The following C8orf34 variants were observed in gnomAD, a reference collection of about 807,000 sequenced individuals.
C8orf34 encodes the protein chromosome 8 open reading frame 34, also known as uncharacterized protein C8orf34.
Under a neutral mutation model 68.3 loss-of-function variants are expected in C8orf34, and 65 were observed. That is an observed-to-expected ratio of 0.95 (90% CI 0.78 to 1.17). C8orf34 has a LOEUF of 1.17. C8orf34 is among the 50% of genes most tolerant of loss of function. The probability of loss-of-function intolerance (pLI) is 0.00; values close to 1 mark genes in which losing one functional copy is unlikely to be tolerated. For missense variants in C8orf34, 664 were observed against 655.4 expected (o/e 1.01, Z -0.14); for synonymous variants, 244 against 241.2 (o/e 1.01, Z -0.11).
chr8:68,477,026 C>T (rs1406810315), intron 4 of C8orf34, among the ~76,000 whole-genome samples: 1 of 152,100 alleles, frequency 6.6e-6, no homozygotes, highest in East Asian at 1.9e-4. Context: ...TTTCTTGTAG[C>T]CATAGGAATT....
intron 9 of C8orf34, 137 bp from the exon 10 acceptor site, chr8:68,721,224 T>C (rs1348527934): frequency 1.9e-5 from 11 of 570,866 alleles, no homozygotes; most frequent in Non-Finnish European, 3.1e-5. Context: ...TTTCACGTTC[T>C]ATTTTAACTC....
chr8:68,521,568 C>T (rs548097958), intron 5 of C8orf34, among the ~76,000 whole-genome samples: 1 of 152,216 alleles, frequency 6.6e-6, no homozygotes, highest in Non-Finnish European at 1.5e-5. Context: ...TGCAGCCTTC[C>T]AAATTCAAAG....
At chr8:68,577,121 G>A (rs1045770199) in intron 7 of C8orf34, among the ~76,000 whole-genome samples, 5 of 151,862 alleles carry the variant, frequency 3.3e-5, no homozygotes, top group African/African-American at 1.2e-4. Flanking sequence ...GACTCTCTTA[G>A]CTTTGTGCCG....
At chr8:68,528,562 A>G (rs745538403) in intron 6 of C8orf34, among the ~76,000 whole-genome samples, 4 of 152,110 alleles carry the variant, frequency 2.6e-5, no homozygotes, top group Admixed American at 1.3e-4. Context: ...CCATGTTTAC[A>G]TCTAATTGTT....
At chr8:68,425,171 A>C (rs1298663201) in intron 1 of C8orf34, among the ~76,000 whole-genome samples, 1 of 152,158 alleles carries the variant, frequency 6.6e-6, no homozygotes, top group Non-Finnish European at 1.5e-5. Context: ...CCTACAGCTA[A>C]CATTATACTT....
At position 68,669,196 on chromosome 8, in the gene C8orf34, A is replaced by T. The variant is rs146566110; in HGVS notation, c.1241+28685A>T. On this transcript the variant is annotated intron_variant, in intron 8 of 13. Coordinates refer to ENST00000518698, the MANE Select transcript of C8orf34 (RefSeq NM_052958.4). Reference sequence around the variant, plus strand: ...CTTTCGATGATGATAATGCCAATGTAGTTTCATTGATTGTAACAAATATGC... The same window carrying T: ...CTTTCGATGATGATAATGCCAATGTTGTTTCATTGATTGTAACAAATATGC... 2.9e-3 allele frequency among the ~76,000 whole-genome samples: 436 copies of T among 152,264 alleles called. 3 individuals carry two copies. The highest frequency in any genetic ancestry group is 9.1e-3 in the African/African-American group (378 of 41,566).
At chr8:68,420,170 A>G (rs749796469) in intron 1 of C8orf34, among the ~76,000 whole-genome samples, 3 of 151,388 alleles carry the variant, frequency 2.0e-5, no homozygotes, top group Admixed American at 2.0e-4. Flanking sequence ...GACCACCGAG[A>G]GGCAAAGTGA....
intron 7 of C8orf34, among the ~76,000 whole-genome samples, chr8:68,617,231 ACT>A (rs1222818215): frequency 6.6e-6 from 1 of 151,914 alleles, no homozygotes; most frequent in East Asian, 1.9e-4. Context: ...ATGGGTCTTG[ACT>A]CTATCCAATT....
intron 7 of C8orf34, among the ~76,000 whole-genome samples, chr8:68,564,490 G>T (rs531336967): frequency 6.6e-6 from 1 of 152,262 alleles, no homozygotes; most frequent in South Asian, 2.1e-4. Flanking sequence ...ACTGGATATT[G>T]CACCCTTTTT....
intron 10 of C8orf34, among the ~76,000 whole-genome samples, chr8:68,753,331 G>A (rs1224884347): frequency 6.6e-6 from 1 of 150,730 alleles, no homozygotes; most frequent in African/African-American, 2.5e-5. Context: ...TCACTAAACC[G>A]ATTGCATGAA....
At chr8:68,636,165 C>T (rs1402538345) in intron 7 of C8orf34, among the ~76,000 whole-genome samples, 1 of 152,078 alleles carries the variant, frequency 6.6e-6, no homozygotes, top group Non-Finnish European at 1.5e-5. Context: ...ATTTGGCTTT[C>T]TCCAGTTGGT....
At chr8:68,564,311 C>T (rs1333158508) in intron 7 of C8orf34, among the ~76,000 whole-genome samples, 1 of 152,108 alleles carries the variant, frequency 6.6e-6, no homozygotes, top group Non-Finnish European at 1.5e-5. Context: ...TATAGTTGAT[C>T]ATTGTAACTT....
chr8:68,611,626 C>A (rs1818026619), intron 7 of C8orf34, among the ~76,000 whole-genome samples: 1 of 152,120 alleles, frequency 6.6e-6, no homozygotes, highest in South Asian at 2.1e-4. Flanking sequence ...ATGCTCTTTT[C>A]CCTCAAGTTT....
intron 5 of C8orf34, among the ~76,000 whole-genome samples, chr8:68,498,986 C>T (rs915352855): frequency 1.3e-5 from 2 of 152,034 alleles, no homozygotes; most frequent in African/African-American, 4.8e-5. Context: ...GAGTGTATTG[C>T]GTGAAACTGA....
intron 12 of C8orf34, among the ~76,000 whole-genome samples, chr8:68,809,953 T>C (rs2129529885): frequency 6.6e-6 from 1 of 152,356 alleles, no homozygotes; most frequent in African/African-American, 2.4e-5. Context: ...TACTTTTTTC[T>C]TACTGAGTTA....
At chr8:68,456,483 A>C (rs1198288311) in intron 3 of C8orf34, among the ~76,000 whole-genome samples, 1 of 152,208 alleles carries the variant, frequency 6.6e-6, no homozygotes, top group East Asian at 1.9e-4. Flanking sequence ...AAAAGGTTGA[A>C]TGAATAAATG....
In C8orf34 at chr8:68,392,045, G is replaced by C. The variant is rs540243440; in HGVS notation, c.328-47454G>C. ...ACTTTTGATGCCTTTGTTGGTAAAGGGTAGCTGACTTTATGAGAATATAAA... is the reference window on the plus strand; with the variant it reads ...ACTTTTGATGCCTTTGTTGGTAAAGCGTAGCTGACTTTATGAGAATATAAA... On this transcript the variant is annotated intron_variant, in intron 1 of 13. Transcript: ENST00000518698. 5.9e-5 allele frequency among the ~76,000 whole-genome samples: 9 copies of C among 152,040 alleles called. No individual in the cohort carries two copies. The South Asian group carries it at 1.2e-3, about 21-fold the overall frequency.
At chr8:68,466,735 G>GTATATATATATATA (rs1374016733) in intron 3 of C8orf34, among the ~76,000 whole-genome samples, 2 of 43,270 alleles carry the variant, frequency 4.6e-5, no homozygotes, top group East Asian at 4.6e-4. Context: ...AAACAACGTT[G>GTATATATATATATA]TACATATATA....
intron 10 of C8orf34, among the ~76,000 whole-genome samples, chr8:68,738,088 A>G (rs1822173732): frequency 6.6e-6 from 1 of 152,104 alleles, no homozygotes; most frequent in Non-Finnish European, 1.5e-5. Flanking sequence ...CTTGGTTTTT[A>G]TATGGTCCAG....
Sources: gnomAD v4.1 joint callset for allele counts (sites outside exome capture counted in the v4.1 genomes callset) on GRCh38, gnomAD v4.1.1 for gene constraint, MANE v1.5 for transcripts, NCBI Gene and HGNC (gene_info 2026-07-23, HGNC 2026-07-21) for gene names.